NCALD: variants seen among roughly 807,000 people sequenced by gnomAD.
NCALD encodes the protein neurocalcin delta, also known as neurocalcin-delta.
A neutral mutation model predicts 18.6 loss-of-function variants in NCALD; 10 were observed. That is an observed-to-expected ratio of 0.54 (90% confidence interval 0.33 to 0.91). The LOEUF is 0.91. Among genes scored for constraint, NCALD ranks in the 40% least tolerant of loss-of-function variants. The probability of loss-of-function intolerance (pLI) is 0.03; values close to 1 mark genes in which losing one functional copy is unlikely to be tolerated. For missense variants in NCALD, 184 were observed against 247.6 expected, an observed-to-expected ratio of 0.74 and a Z score of 1.72; for synonymous variants, 88 against 87.4, an observed-to-expected ratio of 1.01 and a Z score of -0.04.
chr8:101,940,337 C>A (rs527343665), intron 2 of NCALD, among the ~76,000 whole-genome samples: 159 of 152,084 alleles, frequency 1.0e-3, no homozygotes, highest in African/African-American at 3.4e-3. Context: ...TAAAGCAAAC[C>A]AAGAAAATTT....
At chr8:102,060,228 G>A (rs1225722953) in intron 1 of NCALD, among the ~76,000 whole-genome samples, 23 of 77,958 alleles carry the variant, frequency 3.0e-4, no homozygotes, top group Admixed American at 2.3e-3. Context: ...TGATCTGCCC[G>A]CCTTGGCCTC....
intron 2 of NCALD, among the ~76,000 whole-genome samples, chr8:101,921,861 G>C (rs780169536): frequency 6.6e-6 from 1 of 151,850 alleles, no homozygotes; most frequent in Non-Finnish European, 1.5e-5. Flanking sequence ...TTTTAACTGA[G>C]AAAAAATCTG....
chr8:101,881,270 A>G (rs1373430885), intron 4 of NCALD, among the ~76,000 whole-genome samples: 1 of 152,244 alleles, frequency 6.6e-6, no homozygotes, highest in African/African-American at 2.4e-5. Flanking sequence ...TCACTGCACC[A>G]TAGCACAGTA....
intron 1 of NCALD, among the ~76,000 whole-genome samples, chr8:101,763,966 C>CCA (rs754411989): frequency 7.5e-4 from 64 of 85,282 alleles, no homozygotes; most frequent in African/African-American, 2.2e-3. Flanking sequence ...CTCTCTCTCT[C>CCA]CACACACACA....
At chr8:101,992,738 A>G (rs1821094929) in intron 2 of NCALD, among the ~76,000 whole-genome samples, 1 of 152,104 alleles carries the variant, frequency 6.6e-6, no homozygotes, top group African/African-American at 2.4e-5. Flanking sequence ...ATCGTTGTCC[A>G]TGTGAAAGGC....
chr8:102,059,934 G>T (rs1460958901), intron 1 of NCALD, among the ~76,000 whole-genome samples: 1 of 152,160 alleles, frequency 6.6e-6, no homozygotes, highest in Non-Finnish European at 1.5e-5. Flanking sequence ...GATGCAGCAG[G>T]TCTGGAGTAC....
intron 2 of NCALD, among the ~76,000 whole-genome samples, chr8:101,935,029 CAAATT>C (rs1818709624): frequency 6.6e-6 from 1 of 151,970 alleles, no homozygotes; most frequent in African/African-American, 2.4e-5. Flanking sequence ...AAAGAAGTCT[CAAATT>C]AAAGATCACA....
intron 1 of NCALD, among the ~76,000 whole-genome samples, chr8:102,043,858 C>T (rs933907973): frequency 2.2e-4 from 33 of 151,742 alleles, no homozygotes; most frequent in African/African-American, 9.7e-5. Context: ...TACATTACTG[C>T]TCGTTGTCTT....
intron 2 of NCALD, among the ~76,000 whole-genome samples, chr8:101,954,631 GGGA>G (rs1200409871): frequency 6.6e-6 from 1 of 152,232 alleles, no homozygotes; most frequent in African/African-American, 2.4e-5. Flanking sequence ...AGAGGACAAA[GGGA>G]GGAGAAGAGA....
chr8:101,814,391 C>A (rs1331624770), intron 4 of NCALD, among the ~76,000 whole-genome samples: 1 of 151,910 alleles, frequency 6.6e-6, no homozygotes, highest in African/African-American at 2.4e-5. Context: ...AGAAATATCA[C>A]ACGATTATAT....
chr8:101,826,888 A>AGACG lies in NCALD; in HGVS notation c.-20+60252_-20+60253insCGTC, dbSNP rs72271682. ...ATGAAATATTCATAGACAAATCTAAAGACAATGTAGTAGGTCTTTCAGAGG... is the reference window on the plus strand; with the variant it reads ...ATGAAATATTCATAGACAAATCTAAAGACGGACAATGTAGTAGGTCTTTCAGAGG... On this transcript the variant is annotated intron_variant, in intron 4 of 6. Coordinates refer to the NCALD transcript ENST00000311028. Among the ~76,000 whole-genome samples the AGACG allele has an allele frequency of 1.0e-3, 140 of 140,564 alleles. 2 individuals are homozygous for AGACG. Among genetic ancestry groups the AGACG allele is most frequent in the African/African-American group, 4.0e-3 (134 of 33,874 alleles). The allele number at this position is 140,564 out of a possible 152,430, so 92.2% of individuals were successfully genotyped here.
chr8:101,736,633 G>C (rs1417835032), intron 1 of NCALD, among the ~76,000 whole-genome samples: 1 of 152,124 alleles, frequency 6.6e-6, no homozygotes, highest in Non-Finnish European at 1.5e-5. Context: ...CGTGGTGAGT[G>C]GAAATGGTAG....
At chr8:101,751,268 T>C (rs1810646064) in intron 1 of NCALD, among the ~76,000 whole-genome samples, 1 of 152,096 alleles carries the variant, frequency 6.6e-6, no homozygotes, top group Admixed American at 6.6e-5. Flanking sequence ...ATTCTACTTA[T>C]ATGAGGTACC....
intron 4 of NCALD, among the ~76,000 whole-genome samples, chr8:101,820,634 T>A (rs962339674): frequency 1.3e-5 from 2 of 152,300 alleles, no homozygotes; most frequent in African/African-American, 4.8e-5. Flanking sequence ...CAAAGTAATA[T>A]GTGCCCTGTT....
chr8:102,046,867 C>A (rs1324943751), intron 1 of NCALD, among the ~76,000 whole-genome samples: 9 of 150,078 alleles, frequency 6.0e-5, no homozygotes, highest in African/African-American at 2.0e-4. Context: ...ATAGTTGTTA[C>A]ATAGGTAAAC....
intron 1 of NCALD, among the ~76,000 whole-genome samples, chr8:102,106,147 G>A (rs1381185142): frequency 1.3e-5 from 2 of 151,166 alleles, no homozygotes; most frequent in African/African-American, 2.4e-5. Context: ...TCGGCTCAGT[G>A]CAACTTCTGC....
intron 1 of NCALD, among the ~76,000 whole-genome samples, chr8:101,762,983 C>T (rs894880799): frequency 6.6e-6 from 1 of 152,186 alleles, no homozygotes; most frequent in African/African-American, 2.4e-5. Flanking sequence ...GATAGCTTTA[C>T]TACTTATTAA....
At chr8:101,858,916 A>G (rs1311775998) in intron 4 of NCALD, among the ~76,000 whole-genome samples, 3 of 152,214 alleles carry the variant, frequency 2.0e-5, no homozygotes, top group Non-Finnish European at 4.4e-5. Context: ...TGGAAGAAAC[A>G]AAAAATGTCA....
Position 102,067,448 on chromosome 8 carries a change from A to AACAC in NCALD, c.-209-47163_-209-47160dup, listed in dbSNP as rs59878811. On this transcript the variant is annotated intron_variant, in intron 1 of 6. Transcript: ENST00000311028. ...GTGATACAGAATCAGTCTTGTCCCA[A>AACAC]ACACACACACACACACACACACACA... is the stretch of plus-strand genomic sequence containing the variant. Among the ~76,000 whole-genome samples the AACAC allele has an allele frequency of 6.6e-3, 995 of 150,878 alleles. 4 individuals are homozygous for AACAC. The highest frequency in any genetic ancestry group is 0.018 in the African/African-American group (743 of 41,208).
Sources: allele counts gnomAD v4.1 joint callset (sites outside exome capture counted in the v4.1 genomes callset), GRCh38; gene constraint gnomAD v4.1.1; transcripts MANE v1.5; gene names NCBI Gene and HGNC (gene_info 2026-07-23, HGNC 2026-07-21).